The following WDR75 variants were observed in gnomAD, a reference collection of about 807,000 sequenced individuals.
WDR75 encodes WD repeat-containing protein 75.
In WDR75, 52 loss-of-function variants were observed where a neutral mutation model predicts 106.1. The ratio of observed to expected loss-of-function variants is 0.49; its 90% confidence interval spans 0.39 to 0.62. The LOEUF (loss-of-function observed/expected upper bound fraction) is 0.62. Ranked by LOEUF, WDR75 falls within the 20% of genes least tolerant of loss-of-function variation. WDR75 has a pLI of 0.00. For missense variants in WDR75, 905 were observed against 970.3 expected, an observed-to-expected ratio of 0.93 and a Z score of 0.89; for synonymous variants, 333 against 335.5, an observed-to-expected ratio of 0.99 and a Z score of 0.08.
chr2:189,470,899 G>A, intron 18 of WDR75, 21 bp downstream of exon 18: 2 of 1,578,422 alleles, frequency 1.3e-6, no homozygotes, highest in South Asian at 1.2e-5. Context: ...GCCATTCATA[G>A]CAGGATGTAT....
intron 1 of WDR75, among the ~76,000 whole-genome samples, chr2:189,444,346 C>A (rs1171196234): frequency 6.6e-6 from 1 of 152,132 alleles, no homozygotes; most frequent in Admixed American, 6.5e-5. Context: ...AAACTCTGTT[C>A]TAGGTACTTG....
In WDR75 at chr2:189,475,246, A is replaced by G. The variant is rs1687190356; in HGVS notation, c.2322A>G (p.Glu774=). 6.2e-7 allele frequency: 1 copy of G among 1,612,582 alleles called. No homozygotes were observed. The highest frequency in any genetic ancestry group is 8.5e-7 in the Non-Finnish European group (1 of 1,179,260). ...AKEIPEDVDM[E]EEKESEDSDE... is the part of the protein sequence containing the mutation. ...AAATTCCTGAAGATGTAGATATGGAAGAAGAAAAAGAAAGTGAAGATTCAG... is the reference window on the plus strand; with the variant it reads ...AAATTCCTGAAGATGTAGATATGGAGGAAGAAAAAGAAAGTGAAGATTCAG... The change falls in exon 21 of 21, where the codon GAA becomes GAG. Residue 774 remains glutamate, a synonymous_variant. Transcript: ENST00000314761.
At chr2:189,458,343 G>A (rs1686784661) in intron 6 of WDR75, among the ~76,000 whole-genome samples, 1 of 152,140 alleles carries the variant, frequency 6.6e-6, no homozygotes, top group Non-Finnish European at 1.5e-5. Context: ...GATCCCTTTG[G>A]ATTTGTCCTT....
intron 2 of WDR75, chr2:189,449,483 A>AGTTTTG: frequency 4.6e-6 from 5 of 1,094,360 alleles, no homozygotes; most frequent in Middle Eastern, 3.1e-4. Context: ...TAATAGCAAA[A>AGTTTTG]CTATTATTTT....
intron 3 of WDR75, among the ~76,000 whole-genome samples, chr2:189,451,247 G>A (rs1686616942): frequency 6.6e-6 from 1 of 152,042 alleles, no homozygotes; most frequent in Non-Finnish European, 1.5e-5. Flanking sequence ...AGAAGAAATT[G>A]GCATAAAGTA....
At chr2:189,471,708 T>C (rs1252578321) in intron 18 of WDR75, among the ~76,000 whole-genome samples, 2 of 152,080 alleles carry the variant, frequency 1.3e-5, no homozygotes, top group East Asian at 3.8e-4. Context: ...TGCTACACAG[T>C]AGTCATCCTA....
rs1558988758 is a variant in WDR75, at chr2:189,467,656, A to G, written c.1628+8A>G. The G allele has an allele frequency of 6.3e-7, 1 of 1,587,876 alleles. No individual in the cohort carries two copies. The highest frequency in any genetic ancestry group is 8.6e-7 in the Non-Finnish European group (1 of 1,167,114). On this transcript the variant is annotated splice_region_variant and intron_variant, in intron 14 of 20. Coordinates refer to ENST00000314761, the MANE Select transcript of WDR75 (RefSeq NM_032168.3). The stretch of plus-strand genomic sequence containing the variant: ...ACGAGCTGGGAAAATAAGGTAGGTA[A>G]ATCTTCGGGAAGTATGTAGTACTAT...
At chr2:189,458,970 C>G (rs895147853) in intron 7 of WDR75, 98 bp downstream of exon 7, 2 of 1,354,954 alleles carry the variant, frequency 1.5e-6, no homozygotes, top group South Asian at 4.0e-5. Flanking sequence ...AACAGCCTCC[C>G]TTTCCTTTTT....
intron 1 of WDR75, among the ~76,000 whole-genome samples, chr2:189,444,706 C>T (rs1447889823): frequency 1.3e-5 from 2 of 152,142 alleles, no homozygotes; most frequent in African/African-American, 2.4e-5. Flanking sequence ...AACTTTTTAA[C>T]AGTTTTTTGT....
rs776901468 is a variant in WDR75, at chr2:189,466,459, G to A, written c.1324G>A (p.Glu442Lys). The A allele has an allele frequency of 9.9e-6, 16 of 1,612,658 alleles. No individual in the cohort carries two copies. Among genetic ancestry groups the A allele is most frequent in the African/African-American group, 2.7e-5 (2 of 74,796 alleles). The change falls in exon 13 of 21, where the codon GAA becomes AAA. Residue 442 changes from glutamate to lysine, a missense_variant. Glu to Lys is a moderately conservative substitution (Grantham distance 56). Transcript: ENST00000314761. Reference protein sequence around the residue: ...ILNTKINMPHEDCITALCFCN... With the variant: ...ILNTKINMPHKDCITALCFCN... Reference sequence around the variant, plus strand: ...TAACACTAAAATTAACATGCCACACGAAGACTGCATTACAGCTCTCTGTTT... The same window carrying A: ...TAACACTAAAATTAACATGCCACACAAAGACTGCATTACAGCTCTCTGTTT...
At chr2:189,441,797 G>C (rs1472206655) in intron 1 of WDR75, among the ~76,000 whole-genome samples, 1 of 152,210 alleles carries the variant, frequency 6.6e-6, no homozygotes, top group Non-Finnish European at 1.5e-5. Context: ...TTACCTGCAG[G>C]TAGATAAAGG....
chr2:189,459,321 A>G lies in WDR75; in HGVS notation c.690-15A>G, dbSNP rs111249433. On this transcript the variant is annotated splice_polypyrimidine_tract_variant and intron_variant, in intron 7 of 20. Transcript: ENST00000314761. ...AACCTATGGTCAAAATAAGAGTTTTATCTTTCTCCAATAGGAGGAATTTTT... is the reference window on the plus strand; with the variant it reads ...AACCTATGGTCAAAATAAGAGTTTTGTCTTTCTCCAATAGGAGGAATTTTT... The G allele has an allele frequency of 0.041, 65,084 of 1,590,566 alleles. 1,854 individuals are homozygous for G. The highest frequency in any genetic ancestry group is 0.14 in the African/African-American group (10,268 of 74,056).
intron 12 of WDR75, among the ~76,000 whole-genome samples, chr2:189,465,626 T>G (rs1686984356): frequency 6.6e-6 from 1 of 152,078 alleles, no homozygotes. Flanking sequence ...GTAGCATGGA[T>G]GTTGTGATTA....
intron 5 of WDR75, 98 bp downstream of exon 5, chr2:189,455,542 T>C: frequency 7.0e-7 from 1 of 1,420,992 alleles, no homozygotes; most frequent in Non-Finnish European, 9.5e-7. Flanking sequence ...TTATATTCCC[T>C]TGAATTACTA....
Position 189,475,513 on chromosome 2 carries a change from T to C in WDR75, c.*96T>C, listed in dbSNP as rs116332901. The stretch of plus-strand genomic sequence containing the variant: ...TTTAATGTTATTTCTGTTCTAAAAA[T>C]AAGATAATAAATATTAACAAACTTT... On this transcript the variant is annotated 3_prime_UTR_variant, in exon 21 of 21. Transcript: ENST00000314761. 4.2e-3 allele frequency: 3,261 copies of C among 778,016 alleles called. 69 individuals carry two copies. In the African/African-American group the frequency reaches 0.053, roughly 13 times the overall value. 48.2% of individuals were successfully genotyped at this position (778,016 alleles called of 1,614,324 possible). A position where few individuals can be genotyped will look rare whatever the true frequency, so the allele number is the denominator to read the frequency against.
intron 16 of WDR75, among the ~76,000 whole-genome samples, chr2:189,469,699 A>C (rs914229974): frequency 6.6e-6 from 1 of 152,154 alleles, no homozygotes; most frequent in Non-Finnish European, 1.5e-5. Context: ...CCAGTTTGAC[A>C]TATTTCCAAC....
rs1436299264 is a variant in WDR75 at position 189,458,753 on chromosome 2, G to A, written c.570G>A (p.Arg190=). 1.3e-6 allele frequency: 2 copies of A among 1,558,902 alleles called. No individual in the cohort carries two copies. The highest frequency in any genetic ancestry group is 1.2e-5 in the South Asian group (1 of 81,140). Residue 190 remains arginine, a splice_region_variant and synonymous_variant, in exon 7 of 21, where the codon AGG becomes AGA. Coordinates refer to ENST00000314761, the MANE Select transcript of WDR75 (RefSeq NM_032168.3). ...GGAATTTGTTTTTTTTTTCTCCTAG[G>A]TTTACTTTATCATCATCAAGAAATA... The part of the protein sequence containing the change: ...VYFFKKKTTS[R]FTLSSSRNKK...
rs773207890 is a variant in WDR75 at position 189,467,534 on chromosome 2, G to T, written c.1514G>T (p.Cys505Phe). 72 of 1,611,086 alleles carry T rather than the reference G, an allele frequency of 4.5e-5. No homozygotes were observed. The highest frequency in any genetic ancestry group is 5.8e-5 in the Non-Finnish European group (68 of 1,178,498). Residue 505 changes from cysteine (C) to phenylalanine (F), a missense_variant, in exon 14 of 21, where the codon TGT (cysteine) becomes TTT (phenylalanine). By Grantham distance (205) the Cys-to-Phe change is radical. Coordinates refer to ENST00000314761, the MANE Select transcript of WDR75 (RefSeq NM_032168.3). Reference protein sequence around the residue: ...SYHKYQATNCCFSEDGSLLAV... With the variant: ...SYHKYQATNCFFSEDGSLLAV... ...CACAAGTATCAAGCAACTAACTGTT[G>T]TTTCTCCGAAGATGGTTCTTTACTA... is the stretch of plus-strand genomic sequence containing the variant.
At chr2:189,471,886 C>T (rs1687126096) in intron 18 of WDR75, among the ~76,000 whole-genome samples, 1 of 152,162 alleles carries the variant, frequency 6.6e-6, no homozygotes, top group African/African-American at 2.4e-5. Context: ...TTCTCTTTCA[C>T]TTGATTATTA....
Sources: allele counts gnomAD v4.1 joint callset (sites outside exome capture counted in the v4.1 genomes callset), GRCh38; gene constraint gnomAD v4.1.1; transcripts MANE v1.5; gene names NCBI Gene and HGNC (gene_info 2026-07-23, HGNC 2026-07-21).